CRYBG1: variants seen among roughly 807,000 people sequenced by gnomAD.
CRYBG1 encodes the protein beta/gamma crystallin domain-containing protein 1.
In CRYBG1, 139 loss-of-function variants were observed where a neutral mutation model predicts 189.2. The observed-to-expected ratio is 0.73, with a 90% confidence interval of 0.64 to 0.85. CRYBG1 has a LOEUF of 0.85. CRYBG1 is among the 40% of genes least tolerant of loss of function. The probability of loss-of-function intolerance (pLI) is 0.00; values close to 1 mark genes in which losing one functional copy is unlikely to be tolerated. For synonymous variants in CRYBG1, 1,023 were observed against 1,017.1 expected (o/e 1.01, Z -0.11); for missense variants, 2,611 against 2,675.8 (o/e 0.98, Z 0.53).
At chr6:106,451,976 A>T in intron 2 of CRYBG1, 144 bp downstream of exon 2, 6 of 331,544 alleles carry the variant, frequency 1.8e-5, no homozygotes, top group Non-Finnish European at 2.9e-5. Flanking sequence ...CATATGTAAT[A>T]TATGTTATAT....
chr6:106,563,035 T>A (rs1387954703), intron 20 of CRYBG1, among the ~76,000 whole-genome samples: 1 of 152,122 alleles, frequency 6.6e-6, no homozygotes, highest in Non-Finnish European at 1.5e-5. Context: ...TCACAAGTGA[T>A]CCTCTCACCT....
chr6:106,543,032 T>A (rs1022443499), intron 10 of CRYBG1, among the ~76,000 whole-genome samples: 60 of 150,472 alleles, frequency 4.0e-4, no homozygotes, highest in African/African-American at 5.6e-4. Flanking sequence ...AATTTTATTT[T>A]ATTTTATTTA....
At chr6:106,498,513 G>A (rs576513421) in intron 2 of CRYBG1, among the ~76,000 whole-genome samples, 10 of 152,150 alleles carry the variant, frequency 6.6e-5, no homozygotes, top group Non-Finnish European at 1.2e-4. Flanking sequence ...TCTGCAGCCT[G>A]TGATACGTTA....
chr6:106,385,012 A>G (rs1218295355), intron 1 of CRYBG1, among the ~76,000 whole-genome samples: 4 of 152,164 alleles, frequency 2.6e-5, no homozygotes, highest in Non-Finnish European at 5.9e-5. Context: ...ACTTGAACAT[A>G]GTTGTCATTC....
intron 1 of CRYBG1, among the ~76,000 whole-genome samples, chr6:106,402,634 T>C (rs548414182): frequency 1.3e-4 from 20 of 150,682 alleles, no homozygotes; most frequent in African/African-American, 4.9e-4. Flanking sequence ...TTACACCTTA[T>C]ACAAAAATCA....
intron 2 of CRYBG1, among the ~76,000 whole-genome samples, chr6:106,492,944 T>C (rs1772757746): frequency 6.6e-6 from 1 of 151,102 alleles, no homozygotes; most frequent in Non-Finnish European, 1.5e-5. Context: ...TTGAGTCTTT[T>C]CACAAATTAA....
At chr6:106,433,718 AAT>A (rs746712213) in intron 1 of CRYBG1, among the ~76,000 whole-genome samples, 6 of 64,898 alleles carry the variant, frequency 9.2e-5, no homozygotes, top group Non-Finnish European at 1.3e-4. Context: ...GAAACTGGGA[AAT>A]ATATATATAT....
chr6:106,497,823 G>T (rs1309428603), intron 2 of CRYBG1, among the ~76,000 whole-genome samples: 3 of 152,228 alleles, frequency 2.0e-5, no homozygotes, highest in Non-Finnish European at 4.4e-5. Flanking sequence ...GGGCGCAGTG[G>T]CTCATGCCTG....
At chr6:106,376,689 T>G (rs1770169677) in intron 1 of CRYBG1, among the ~76,000 whole-genome samples, 1 of 152,174 alleles carries the variant, frequency 6.6e-6, no homozygotes, top group Non-Finnish European at 1.5e-5. Context: ...CTGCTTACCA[T>G]TCCTTAGTGG....
At chr6:106,429,413 C>A (rs1771285039) in intron 1 of CRYBG1, among the ~76,000 whole-genome samples, 1 of 151,782 alleles carries the variant, frequency 6.6e-6, no homozygotes. Flanking sequence ...ATATATAATT[C>A]TAGAGGAACT....
chr6:106,512,698 C>T lies in CRYBG1; in HGVS notation c.1581C>T (p.Ala527=), dbSNP rs1773316291. 21 of 1,547,978 alleles carry T rather than the reference C, an allele frequency of 1.4e-5. No individual in the cohort carries two copies. Among genetic ancestry groups the T allele is most frequent in the Non-Finnish European group, 1.8e-5 (21 of 1,146,878 alleles). ...GRSRALEAVP[A]PPASGPRAPA... is the part of the protein sequence containing the mutation. ...GCCGTGCCCTCGAGGCCGTGCCCGC[C>T]CCGCCCGCCAGCGGCCCCCGGGCTC... Residue 527 remains alanine (A), a synonymous_variant, in exon 3 of 22, where the codon GCC becomes GCT. Transcript: ENST00000633556.
intron 2 of CRYBG1, among the ~76,000 whole-genome samples, chr6:106,505,925 C>G (rs140257215): frequency 1.3e-5 from 2 of 151,522 alleles, no homozygotes; most frequent in Non-Finnish European, 2.9e-5. Flanking sequence ...GGGAATCACA[C>G]GTGTTTAAAA....
chr6:106,519,657 G>T lies in CRYBG1; in HGVS notation c.2449G>T (p.Asp817Tyr). The T allele has an allele frequency of 6.2e-7, 1 of 1,614,060 alleles. No homozygotes were observed. The highest frequency in any genetic ancestry group is 8.5e-7 in the Non-Finnish European group (1 of 1,179,950). The change falls in exon 4 of 22, where the codon GAC becomes TAC. Residue 817 changes from aspartate (D) to tyrosine (Y), a missense_variant. By Grantham distance (160) the Asp-to-Tyr change is radical (BLOSUM62 -3). This residue lies in a region of CRYBG1 where 1,622 missense variants were observed against 1,735.0 expected (regional missense o/e 0.93). Coordinates refer to ENST00000633556, the MANE Select transcript of CRYBG1 (RefSeq NM_001371242.2). Reference sequence around the variant, plus strand: ...GGATCATAAGCTCTTAGAGAAGGAGGACTCAGAGGCTGCAGACAGCAAAAG... The same window carrying T: ...GGATCATAAGCTCTTAGAGAAGGAGTACTCAGAGGCTGCAGACAGCAAAAG... The part of the protein sequence containing the change: ...VKDHKLLEKE[D>Y]SEAADSKSLV...
chr6:106,530,952 T>A (rs969145561), intron 8 of CRYBG1, among the ~76,000 whole-genome samples: 2 of 152,266 alleles, frequency 1.3e-5, no homozygotes, highest in Non-Finnish European at 2.9e-5. Context: ...GATTAAAGTC[T>A]CCACCTCTTA....
At chr6:106,534,599 C>A (rs1773957462) in intron 8 of CRYBG1, among the ~76,000 whole-genome samples, 1 of 152,066 alleles carries the variant, frequency 6.6e-6, no homozygotes, top group Non-Finnish European at 1.5e-5. Flanking sequence ...ATTCCAGGGC[C>A]CATTCACTCT....
intron 1 of CRYBG1, among the ~76,000 whole-genome samples, chr6:106,371,630 T>C (rs150633867): frequency 8.5e-5 from 13 of 152,360 alleles, no homozygotes; most frequent in Non-Finnish European, 1.6e-4. Context: ...GAGTCCTTCA[T>C]TGGAACATAC....
At chr6:106,521,841 C>T (rs1012233877) in intron 4 of CRYBG1, among the ~76,000 whole-genome samples, 7 of 149,060 alleles carry the variant, frequency 4.7e-5, no homozygotes, top group African/African-American at 1.7e-4. Context: ...GCCTCGGCTT[C>T]CCTAGTAGCA....
chr6:106,398,075 A>G (rs528435387), intron 1 of CRYBG1, among the ~76,000 whole-genome samples: 1 of 152,326 alleles, frequency 6.6e-6, no homozygotes, highest in South Asian at 2.1e-4. Context: ...GAGCTATTAC[A>G]CACAATTGCT....
chr6:106,522,526 G>A (rs1377239080), intron 4 of CRYBG1, among the ~76,000 whole-genome samples: 1 of 152,102 alleles, frequency 6.6e-6, no homozygotes, highest in Non-Finnish European at 1.5e-5. Flanking sequence ...GATGTGAATT[G>A]CGCCTTTTTG....
Sources: allele counts gnomAD v4.1 joint callset (sites outside exome capture counted in the v4.1 genomes callset), GRCh38; gene constraint gnomAD v4.1.1; regional missense constraint gnomAD v4.1.1; transcripts MANE v1.5; gene names NCBI Gene and HGNC (gene_info 2026-07-23, HGNC 2026-07-21).